The following TEKT5 variants were observed in gnomAD, a reference collection of about 807,000 sequenced individuals.
TEKT5 encodes tektin 5, also known as tektin-5.
A neutral mutation model predicts 48.7 loss-of-function variants in TEKT5; 52 were observed. The observed-to-expected ratio is 1.07, with a 90% CI of 0.86 to 1.35. The LOEUF is 1.35. TEKT5 is among the 40% of genes most tolerant of loss of function. TEKT5 has a pLI of 0.00. For missense variants in TEKT5, 831 were observed against 641.6 expected (o/e 1.30, Z -3.19); for synonymous variants, 318 against 267.6 (o/e 1.19, Z -1.84).
In TEKT5 at chr16:10,694,564, C is replaced by A; in HGVS notation, c.310G>T (p.Gly104Trp). The change falls in exon 1 of 7, where the codon GGG becomes TGG. Residue 104 changes from glycine (G) to tryptophan (W), a missense_variant. By Grantham distance (184) the Gly-to-Trp change is radical (BLOSUM62 -2). Coordinates refer to ENST00000283025, the MANE Select transcript of TEKT5 (RefSeq NM_144674.2). ...WDQSNQLQVRGAEASRLWASR... is the reference protein window; with the variant it reads ...WDQSNQLQVRWAEASRLWASR... Reference sequence around the variant, plus strand: ...GCCCACAGCCGGGAGGCCTCGGCCCCACGCACCTGCAGCTGGTTGGACTGG... The same window carrying A: ...GCCCACAGCCGGGAGGCCTCGGCCCAACGCACCTGCAGCTGGTTGGACTGG... The A allele has an allele frequency of 6.2e-7, 1 of 1,602,570 alleles. No individual in the cohort carries two copies. The highest frequency in any genetic ancestry group is 2.2e-5 in the East Asian group (1 of 44,792).
rs779376823 is a variant in TEKT5, at chr16:10,635,814, G to C, written c.1191C>G (p.Cys397Trp). The C allele has an allele frequency of 1.2e-6, 2 of 1,614,140 alleles. No homozygotes were observed. The highest frequency in any genetic ancestry group is 8.5e-7 in the Non-Finnish European group (1 of 1,180,024). The change falls in exon 6 of 7, where the codon TGC (cysteine) becomes TGG (tryptophan). Residue 397 changes from cysteine (C) to tryptophan (W), a missense_variant. Physicochemically the swap from Cys to Trp is radical, Grantham distance 215. Transcript: ENST00000283025. ...GCTCCATGTTGGGGCGCCGGGTCCG[G>C]CACTCCAGCCTTGTCTGGGCCACCT... ...PLKVAQTRLE[C>W]RTRRPNMELC...
At chr16:10,673,848 C>T (rs549233316) in intron 5 of TEKT5, among the ~76,000 whole-genome samples, 1 of 151,862 alleles carries the variant, frequency 6.6e-6, no homozygotes, top group East Asian at 1.9e-4. Context: ...GATGGAGTTT[C>T]ACTATCTTGG....
At chr16:10,631,850 T>C (rs1897845870) in intron 6 of TEKT5, among the ~76,000 whole-genome samples, 1 of 152,206 alleles carries the variant, frequency 6.6e-6, no homozygotes, top group Non-Finnish European at 1.5e-5. Context: ...AACAGCAACC[T>C]TGATTTGGGA....
chr16:10,634,241 G>T lies in TEKT5; in HGVS notation c.1241+1523C>A, dbSNP rs1897881447. 2.0e-5 allele frequency among the ~76,000 whole-genome samples: 3 copies of T among 152,172 alleles called. No individual in the cohort carries two copies. In the South Asian group the frequency reaches 6.2e-4, roughly 31 times the overall value. On this transcript the variant is annotated intron_variant, in intron 6 of 6. Transcript: ENST00000283025. ...CCTAGGAGTGAGACTAAAGGGCAAA[G>T]AACTCAAAAGAAGTTCAAGGGATTG...
chr16:10,659,677 A>G (rs1178729259), intron 5 of TEKT5, among the ~76,000 whole-genome samples: 1 of 152,228 alleles, frequency 6.6e-6, no homozygotes, highest in Admixed American at 6.5e-5. Context: ...CACTTTAAAA[A>G]AAGTTTTAAT....
chr16:10,642,318 C>T (rs1316893028), intron 5 of TEKT5, among the ~76,000 whole-genome samples: 1 of 152,188 alleles, frequency 6.6e-6, no homozygotes, highest in African/African-American at 2.4e-5. Flanking sequence ...ACTGGGCATT[C>T]ACTGTCCACC....
At chr16:10,632,915 G>GACACACACAC (rs1897859340) in intron 6 of TEKT5, among the ~76,000 whole-genome samples, 1 of 97,656 alleles carries the variant, frequency 1.0e-5, no homozygotes, top group Non-Finnish European at 2.1e-5. Context: ...CACACACACG[G>GACACACACAC]CCCGGCTCCT....
At chr16:10,668,523 A>G (rs1463837361) in intron 5 of TEKT5, among the ~76,000 whole-genome samples, 2 of 152,168 alleles carry the variant, frequency 1.3e-5, no homozygotes, top group Non-Finnish European at 2.9e-5. Flanking sequence ...CCCACTGCAC[A>G]ATGGGTTCCA....
chr16:10,684,120 T>G (rs1181544475), intron 3 of TEKT5, among the ~76,000 whole-genome samples: 4 of 152,182 alleles, frequency 2.6e-5, no homozygotes, highest in African/African-American at 9.7e-5. Context: ...AAGAGATCAG[T>G]TGATGGTACA....
chr16:10,628,162 G>T (rs556788087), intron 6 of TEKT5, among the ~76,000 whole-genome samples: 15 of 152,246 alleles, frequency 9.9e-5, no homozygotes, highest in African/African-American at 3.6e-4. Flanking sequence ...AGGTTATTCG[G>T]TTCAAGGTAG....
At chr16:10,637,872 G>A (rs934927632) in intron 5 of TEKT5, among the ~76,000 whole-genome samples, 6 of 152,194 alleles carry the variant, frequency 3.9e-5, no homozygotes, top group Admixed American at 6.5e-5. Flanking sequence ...GTGCAGTTGC[G>A]CAATCGCAGC....
intron 5 of TEKT5, among the ~76,000 whole-genome samples, chr16:10,651,498 T>C (rs750270131): frequency 4.6e-5 from 7 of 152,270 alleles, no homozygotes; most frequent in East Asian, 1.9e-4. Flanking sequence ...GTCTGGAGCA[T>C]AGTAAATAAT....
intron 4 of TEKT5, among the ~76,000 whole-genome samples, chr16:10,676,506 G>C (rs1459088105): frequency 6.6e-6 from 1 of 152,158 alleles, no homozygotes; most frequent in Admixed American, 6.5e-5. Flanking sequence ...ACCCTAAAGA[G>C]AGCAGCTGGT....
intron 5 of TEKT5, among the ~76,000 whole-genome samples, chr16:10,637,540 T>G (rs1481664410): frequency 6.6e-6 from 1 of 152,204 alleles, no homozygotes; most frequent in African/African-American, 2.4e-5. Flanking sequence ...TTTCCCAATA[T>G]GATGTCACCA....
At position 10,682,145 on chromosome 16, in the gene TEKT5, A is replaced by C. The variant is rs774407366; in HGVS notation, c.720-9T>G. On this transcript the variant is annotated splice_polypyrimidine_tract_variant and intron_variant, in intron 3 of 6. Transcript: ENST00000283025. ...GAGCATCCCGGTTATCCCTGCAGGGAGGGAGGAGTCATTCCTGGACTATGC... is the reference window on the plus strand; with the variant it reads ...GAGCATCCCGGTTATCCCTGCAGGGCGGGAGGAGTCATTCCTGGACTATGC... 3 of 1,613,718 alleles carry C rather than the reference A, an allele frequency of 1.9e-6. No individual in the cohort carries two copies. The South Asian group carries it at 3.3e-5, about 18-fold the overall frequency.
chr16:10,673,317 G>C (rs1898582396), intron 5 of TEKT5, among the ~76,000 whole-genome samples: 1 of 152,124 alleles, frequency 6.6e-6, no homozygotes, highest in African/African-American at 2.4e-5. Flanking sequence ...AGTTTTATTG[G>C]AACACAGCCA....
chr16:10,659,010 G>A (rs918343338), intron 5 of TEKT5, among the ~76,000 whole-genome samples: 3 of 152,192 alleles, frequency 2.0e-5, no homozygotes, highest in Non-Finnish European at 4.4e-5. Context: ...GAGCCACGGT[G>A]CCCAGTCTGG....
At chr16:10,680,304 C>A (rs998119126) in intron 4 of TEKT5, among the ~76,000 whole-genome samples, 3 of 152,244 alleles carry the variant, frequency 2.0e-5, no homozygotes, top group Admixed American at 2.0e-4. Flanking sequence ...CAGGCTTGGG[C>A]CAAGGAGAAT....
rs974796404 is a variant in TEKT5, at chr16:10,636,299, C to G, written c.1087-381G>C. On this transcript the variant is annotated intron_variant, in intron 5 of 6. Transcript: ENST00000283025. ...CCGAGGCAGGAGAATCGCTTGAACC[C>G]GGGAGGCGGAGGTTGCAGTGAGCTG... Among the ~76,000 whole-genome samples the G allele has an allele frequency of 2.6e-4, 39 of 151,538 alleles. 1 individual carries two copies. Among genetic ancestry groups the G allele is most frequent in the Admixed American group, 1.3e-3 (20 of 15,166 alleles).
Sources: gnomAD v4.1 joint callset for allele counts (sites outside exome capture counted in the v4.1 genomes callset) on GRCh38, gnomAD v4.1.1 for gene constraint, MANE v1.5 for transcripts, NCBI Gene and HGNC (gene_info 2026-07-23, HGNC 2026-07-21) for gene names.